Variants in PATJ observed in about 807,000 individuals in gnomAD.
PATJ encodes the protein PATJ crumbs cell polarity complex component.
Under a neutral mutation model 224.9 loss-of-function variants are expected in PATJ, and 190 were observed. That is an observed-to-expected ratio of 0.84 (90% confidence interval 0.75 to 0.95). The LOEUF (loss-of-function observed/expected upper bound fraction) is 0.95, where lower values mean the gene tolerates loss of function less well. Among genes scored for constraint, PATJ ranks in the 40% least tolerant of loss-of-function variants. The pLI is 0.00. For missense variants in PATJ, 2,121 were observed against 2,270.3 expected, an observed-to-expected ratio of 0.93 and a Z score of 1.34; for synonymous variants, 769 against 820.3, an observed-to-expected ratio of 0.94 and a Z score of 1.07.
chr1:61,764,328 A>G (rs1267872169), intron 3 of PATJ, among the ~76,000 whole-genome samples: 1 of 152,022 alleles, frequency 6.6e-6, no homozygotes, highest in Non-Finnish European at 1.5e-5. Flanking sequence ...CATTTACCAC[A>G]CTATCTGGAT....
chr1:62,109,642 C>G (rs1317653874), intron 34 of PATJ, among the ~76,000 whole-genome samples: 22 of 152,148 alleles, frequency 1.4e-4, no homozygotes. Flanking sequence ...CTTTGTTTTT[C>G]CCTCCCTAGA....
intron 19 of PATJ, 109 bp downstream of exon 19, chr1:61,861,776 A>G: frequency 1.9e-6 from 1 of 536,776 alleles, no homozygotes; most frequent in Non-Finnish European, 3.3e-6. Context: ...TCCTTTGGCT[A>G]AGTAGAAATA....
intron 30 of PATJ, among the ~76,000 whole-genome samples, chr1:62,044,181 T>C (rs1015160498): frequency 6.6e-6 from 1 of 152,238 alleles, no homozygotes; most frequent in African/African-American, 2.4e-5. Context: ...ACATTGTTAT[T>C]AACTGTGGTC....
chr1:62,150,651 T>C (rs1570827968), intron 42 of PATJ, among the ~76,000 whole-genome samples: 1 of 115,616 alleles, frequency 8.6e-6, no homozygotes, highest in Middle Eastern at 9.8e-3. Context: ...TACTCCAGCC[T>C]AGGAGACAGA....
At chr1:61,804,608 TAGA>T (rs1275871683) in intron 12 of PATJ, among the ~76,000 whole-genome samples, 3 of 152,202 alleles carry the variant, frequency 2.0e-5, no homozygotes, top group Non-Finnish European at 4.4e-5. Context: ...TTAAAAAACG[TAGA>T]AGTTTGTTCA....
intron 17 of PATJ, among the ~76,000 whole-genome samples, chr1:61,835,821 A>C (rs1660089436): frequency 1.3e-5 from 2 of 152,228 alleles, no homozygotes; most frequent in Admixed American, 1.3e-4. Context: ...AACAGATTTA[A>C]TGGGAATTTG....
Position 62,163,626 on chromosome 1 carries a change from G to C in PATJ, c.*2572G>C, listed in dbSNP as rs980970106. 6.6e-6 allele frequency: 1 copy of C among 152,518 alleles called. No individual in the cohort carries two copies. Among genetic ancestry groups the C allele is most frequent in the Non-Finnish European group, 1.5e-5 (1 of 68,026 alleles). 9.4% of individuals were successfully genotyped at this position (152,518 alleles called of 1,614,324 possible). On this transcript the variant is annotated 3_prime_UTR_variant, in exon 44 of 44. Coordinates refer to ENST00000642238, the MANE Select transcript of PATJ (RefSeq NM_001350145.3). ...CACTAAATTGATAGAACTAGTACTT[G>C]TCATAATCGGTTCTGTCTCCGCTCA...
intron 23 of PATJ, 21 bp downstream of exon 23, chr1:61,899,675 T>C (rs1312066946): frequency 6.4e-7 from 1 of 1,564,670 alleles, no homozygotes; most frequent in South Asian, 1.1e-5. Context: ...GACATTATTG[T>C]GGCTTTCTCA....
At chr1:61,793,193 A>G (rs1281594141) in intron 9 of PATJ, among the ~76,000 whole-genome samples, 2 of 151,640 alleles carry the variant, frequency 1.3e-5, no homozygotes, top group Non-Finnish European at 2.9e-5. Flanking sequence ...TGTGCCTCAG[A>G]CTCCCCAGTA....
intron 20 of PATJ, among the ~76,000 whole-genome samples, chr1:61,867,445 C>A (rs996518143): frequency 2.6e-5 from 4 of 152,110 alleles, no homozygotes; most frequent in Admixed American, 6.5e-5. Flanking sequence ...TTTACCGAAA[C>A]AAAAGGCAAC....
intron 31 of PATJ, among the ~76,000 whole-genome samples, chr1:62,059,532 G>A (rs957700335): frequency 2.6e-5 from 4 of 151,838 alleles, no homozygotes; most frequent in African/African-American, 4.8e-5. Context: ...CAGGAGAATC[G>A]CTTGAACCCG....
At chr1:62,152,049 CTT>C (rs76335297) in intron 42 of PATJ, among the ~76,000 whole-genome samples, 11,697 of 151,808 alleles carry the variant, frequency 0.077, 636 homozygotes, top group Middle Eastern at 0.17. Context: ...TGGTTTCTCT[CTT>C]CTCTCCTGGA....
At chr1:61,948,325 G>T (rs1326337783) in intron 27 of PATJ, among the ~76,000 whole-genome samples, 1 of 152,096 alleles carries the variant, frequency 6.6e-6, no homozygotes. Context: ...CTGACAAAGG[G>T]CTAATATCCA....
intron 31 of PATJ, among the ~76,000 whole-genome samples, chr1:62,061,910 C>T (rs1193652432): frequency 2.0e-5 from 3 of 152,060 alleles, no homozygotes; most frequent in South Asian, 2.1e-4. Context: ...CCACCCGCCT[C>T]GGCCTCCCAA....
rs60747316 is a variant in PATJ at position 62,062,392 on chromosome 1, C to CTTTTTTTTTTTTTTTTTTTTTTTTTT, written c.4125+11336_4125+11361dup. ...TGGTTGGCTGCTTCTATGTTGTCTT[C>CTTTTTTTTTTTTTTTTTTTTTTTTTT]TTTTTTTTTTTTTTTTTTTTTTTTT... On this transcript the variant is annotated intron_variant, in intron 31 of 43. Coordinates refer to ENST00000642238, the MANE Select transcript of PATJ (RefSeq NM_001350145.3). Among the ~76,000 whole-genome samples the CTTTTTTTTTTTTTTTTTTTTTTTTTT allele has an allele frequency of 3.9e-4, 11 of 28,480 alleles. 1 individual carries two copies. Among genetic ancestry groups the CTTTTTTTTTTTTTTTTTTTTTTTTTT allele is most frequent in the Non-Finnish European group, 5.9e-4 (10 of 16,966 alleles). 18.7% of individuals were successfully genotyped at this position (28,480 alleles called of 152,430 possible). A position where few individuals can be genotyped will look rare whatever the true frequency, so the allele number is the denominator to read the frequency against.
At position 61,769,353 on chromosome 1, in the gene PATJ, T is replaced by C. The variant is rs1646471830; in HGVS notation, c.455T>C (p.Leu152Pro). The C allele has an allele frequency of 6.2e-7, 1 of 1,614,072 alleles. No individual in the cohort carries two copies. Among genetic ancestry groups the C allele is most frequent in the Non-Finnish European group, 8.5e-7 (1 of 1,179,984 alleles). Residue 152 changes from leucine to proline, a missense_variant, in exon 5 of 44, where the codon CTC (leucine) becomes CCC (proline). Coordinates refer to ENST00000642238, the MANE Select transcript of PATJ (RefSeq NM_001350145.3). ...GGCCTTGGATTCAGTGTGGTGGCCC[T>C]CAGAAGTCAAAATCTCGGAAAAGTT... ...TGGLGFSVVALRSQNLGKVDI... is the reference protein window; with the variant it reads ...TGGLGFSVVAPRSQNLGKVDI...
rs141920573 is a variant in PATJ at position 62,045,789 on chromosome 1, G to A, written c.4033-5177G>A. 1.2e-3 allele frequency among the ~76,000 whole-genome samples: 184 copies of A among 152,208 alleles called. 1 individual carries two copies. The highest frequency in any genetic ancestry group is 1.1e-3 in the Non-Finnish European group (74 of 68,012). On this transcript the variant is annotated intron_variant, in intron 30 of 43. Coordinates refer to ENST00000642238, the MANE Select transcript of PATJ (RefSeq NM_001350145.3). ...AATTCACTCGTGCCTTAGAAATCAC[G>A]CTGCTGACCTGTTTTCCCTTTCCCA...
chr1:61,985,880 A>C (rs981021663), intron 27 of PATJ, among the ~76,000 whole-genome samples: 5 of 152,092 alleles, frequency 3.3e-5, no homozygotes, highest in Admixed American at 3.3e-4. Flanking sequence ...TTGGTCACCA[A>C]CTTAAGACTA....
At position 61,769,399 on chromosome 1, in the gene PATJ, C is replaced by T; in HGVS notation, c.501C>T (p.Val167=). ...LGKVDIFVKD[V]QPGSVADRDQ... is the part of the protein sequence containing the mutation. ...AAGTTGATATCTTCGTGAAGGATGTCCAGCCAGGGAGTGTAGCAGACAGGT... is the reference window on the plus strand; with the variant it reads ...AAGTTGATATCTTCGTGAAGGATGTTCAGCCAGGGAGTGTAGCAGACAGGT... Residue 167 remains valine (V), a synonymous_variant, in exon 5 of 44, where the codon GTC becomes GTT. Transcript: ENST00000642238. 1 of 1,613,916 alleles carries T rather than the reference C, an allele frequency of 6.2e-7. No individual in the cohort carries two copies. The highest frequency in any genetic ancestry group is 8.5e-7 in the Non-Finnish European group (1 of 1,179,936).
Sources: allele counts gnomAD v4.1 joint callset (sites outside exome capture counted in the v4.1 genomes callset), GRCh38; gene constraint gnomAD v4.1.1; transcripts MANE v1.5; gene names NCBI Gene and HGNC (gene_info 2026-07-23, HGNC 2026-07-21).